Variants in CACNA2D3 observed in about 807,000 individuals in gnomAD.
CACNA2D3 encodes the protein voltage-dependent calcium channel subunit alpha-2/delta-3.
CACNA2D3 carries 60 observed loss-of-function variants against 160.6 expected under a neutral mutation model. The ratio of observed to expected loss-of-function variants is 0.37; its 90% CI spans 0.30 to 0.46. The LOEUF is 0.46. Among genes scored for constraint, CACNA2D3 ranks in the 20% least tolerant of loss-of-function variants. CACNA2D3 has a pLI of 1.00. For missense variants in CACNA2D3, 1,205 were observed against 1,365.0 expected, an observed-to-expected ratio of 0.88 and a Z score of 1.85; for synonymous variants, 558 against 492.9, an observed-to-expected ratio of 1.13 and a Z score of -1.75.
chr3:54,282,819 TAAG>T (rs1360005617), intron 2 of CACNA2D3, among the ~76,000 whole-genome samples: 4 of 151,832 alleles, frequency 2.6e-5, no homozygotes, highest in East Asian at 1.9e-4. Flanking sequence ...ATTAGCCCTC[TAAG>T]AAGAACATAC....
At chr3:54,811,083 A>G (rs1703298244) in intron 13 of CACNA2D3, among the ~76,000 whole-genome samples, 1 of 152,050 alleles carries the variant, frequency 6.6e-6, no homozygotes, top group Non-Finnish European at 1.5e-5. Flanking sequence ...CGGTAACCTC[A>G]TCTACGTGCA....
At chr3:54,323,048 G>A (rs746401808) in intron 3 of CACNA2D3, among the ~76,000 whole-genome samples, 10 of 152,124 alleles carry the variant, frequency 6.6e-5, no homozygotes, top group African/African-American at 9.7e-5. Context: ...CCCCACGCCC[G>A]TCTTTAAAGA....
At chr3:54,541,007 G>A (rs778845553) in intron 5 of CACNA2D3, among the ~76,000 whole-genome samples, 3 of 152,180 alleles carry the variant, frequency 2.0e-5, no homozygotes, top group Non-Finnish European at 4.4e-5. Flanking sequence ...GCCGAGCGTG[G>A]TGGCTCACGC....
intron 4 of CACNA2D3, among the ~76,000 whole-genome samples, chr3:54,401,775 A>G (rs947050853): frequency 6.6e-6 from 1 of 152,174 alleles, no homozygotes; most frequent in African/African-American, 2.4e-5. Context: ...AGTAGAAACA[A>G]AAGGATGTGA....
intron 2 of CACNA2D3, among the ~76,000 whole-genome samples, chr3:54,210,136 T>C (rs1701346668): frequency 6.6e-6 from 1 of 151,996 alleles, no homozygotes; most frequent in Non-Finnish European, 1.5e-5. Flanking sequence ...ATAAGTGATA[T>C]GGAAAAAAAG....
intron 3 of CACNA2D3, among the ~76,000 whole-genome samples, chr3:54,341,001 C>CAG (rs1698331267): frequency 6.6e-6 from 1 of 152,226 alleles, no homozygotes; most frequent in African/African-American, 2.4e-5. Context: ...TCTGAAGCTT[C>CAG]ACGCCTGCTG....
intron 13 of CACNA2D3, among the ~76,000 whole-genome samples, chr3:54,782,270 T>TA (rs1366905736): frequency 2.6e-5 from 4 of 152,230 alleles, no homozygotes; most frequent in African/African-American, 9.6e-5. Context: ...TATTCTACAG[T>TA]AAATTCCATA....
chr3:54,738,765 C>A (rs929688231), intron 11 of CACNA2D3, among the ~76,000 whole-genome samples: 1 of 152,158 alleles, frequency 6.6e-6, no homozygotes, highest in Non-Finnish European at 1.5e-5. Flanking sequence ...CCCATATGAT[C>A]CTACCTTCTT....
chr3:54,733,549 C>T (rs190783928), intron 11 of CACNA2D3, among the ~76,000 whole-genome samples: 113 of 152,220 alleles, frequency 7.4e-4, no homozygotes, highest in African/African-American at 2.5e-3. Context: ...TCTCCTGTAA[C>T]GAGAGTGGAT....
At chr3:54,480,327 A>G (rs1392234281) in intron 4 of CACNA2D3, among the ~76,000 whole-genome samples, 1 of 152,090 alleles carries the variant, frequency 6.6e-6, no homozygotes, top group Non-Finnish European at 1.5e-5. Context: ...GTCTGCAGGG[A>G]ACATACCATT....
intron 34 of CACNA2D3, among the ~76,000 whole-genome samples, chr3:55,010,360 C>T (rs893734977): frequency 4.6e-5 from 7 of 151,994 alleles, no homozygotes; most frequent in African/African-American, 1.7e-4. Flanking sequence ...TATAAAAAAC[C>T]TGCATGTACC....
intron 2 of CACNA2D3, among the ~76,000 whole-genome samples, chr3:54,185,001 C>T (rs542541182): frequency 1.3e-5 from 2 of 152,264 alleles, no homozygotes; most frequent in South Asian, 2.1e-4. Flanking sequence ...AAGGTCTGAG[C>T]CAAAGGTCCT....
chr3:54,289,241 C>T (rs1369416346), intron 2 of CACNA2D3, among the ~76,000 whole-genome samples: 1 of 151,772 alleles, frequency 6.6e-6, no homozygotes, highest in Non-Finnish European at 1.5e-5. Context: ...ACAAAAATCA[C>T]AAGCATTCTT....
At chr3:54,462,303 C>T (rs1292856279) in intron 4 of CACNA2D3, among the ~76,000 whole-genome samples, 2 of 152,162 alleles carry the variant, frequency 1.3e-5, no homozygotes, top group East Asian at 3.8e-4. Context: ...CCACTTGGTG[C>T]AGAGCTGAGT....
At chr3:54,722,577 C>T (rs1701188626) in intron 11 of CACNA2D3, among the ~76,000 whole-genome samples, 1 of 152,076 alleles carries the variant, frequency 6.6e-6, no homozygotes, top group African/African-American at 2.4e-5. Flanking sequence ...ATGTTGGTGA[C>T]CTTCGGATGG....
At chr3:54,425,747 A>G (rs1282479272) in intron 4 of CACNA2D3, among the ~76,000 whole-genome samples, 1 of 152,210 alleles carries the variant, frequency 6.6e-6, no homozygotes, top group Non-Finnish European at 1.5e-5. Flanking sequence ...CCAGACTCTG[A>G]AGCACTAGGC....
At chr3:55,067,019 C>G (rs965292639) in intron 35 of CACNA2D3, among the ~76,000 whole-genome samples, 2 of 151,548 alleles carry the variant, frequency 1.3e-5, no homozygotes, top group Non-Finnish European at 2.9e-5. Context: ...CAGGCCCCTC[C>G]GAAGCACCAT....
chr3:54,806,838 A>G (rs567966338), intron 13 of CACNA2D3, among the ~76,000 whole-genome samples: 90 of 152,306 alleles, frequency 5.9e-4, no homozygotes, highest in African/African-American at 2.0e-3. Flanking sequence ...ACAGCATGGT[A>G]CTGATACCAA....
intron 2 of CACNA2D3, among the ~76,000 whole-genome samples, chr3:54,188,549 A>G (rs558563303): frequency 1.3e-5 from 2 of 152,230 alleles, no homozygotes; most frequent in Admixed American, 6.5e-5. Flanking sequence ...CTCAGAGTCC[A>G]TGTATTCCTG....
Sources: allele counts gnomAD v4.1 joint callset (sites outside exome capture counted in the v4.1 genomes callset), GRCh38; gene constraint gnomAD v4.1.1; transcripts MANE v1.5; gene names NCBI Gene and HGNC (gene_info 2026-07-23, HGNC 2026-07-21).